The following ERCC6L2 variants were observed in gnomAD, a reference collection of about 807,000 sequenced individuals.
The protein encoded by ERCC6L2 is DNA excision repair protein ERCC-6-like 2.
A neutral mutation model predicts 132.0 loss-of-function variants in ERCC6L2; 77 were observed. The ratio of observed to expected loss-of-function variants is 0.58; its 90% CI spans 0.49 to 0.71. The LOEUF (loss-of-function observed/expected upper bound fraction) is 0.71. Ranked by LOEUF, ERCC6L2 falls within the 30% of genes least tolerant of loss-of-function variation. The pLI, the probability that ERCC6L2 is intolerant of heterozygous loss-of-function variation, is 0.00. For synonymous variants in ERCC6L2, 583 were observed against 632.4 expected, an observed-to-expected ratio of 0.92 and a Z score of 1.17; for missense variants, 1,542 against 1,837.6, an observed-to-expected ratio of 0.84 and a Z score of 2.94.
chr9:95,962,762 C>T lies in ERCC6L2; in HGVS notation c.1948-3800C>T, dbSNP rs78497213. Among the ~76,000 whole-genome samples, 1,056 of 152,248 alleles carry T rather than the reference C, an allele frequency of 6.9e-3. 9 individuals carry two copies. Among genetic ancestry groups the T allele is most frequent in the African/African-American group, 0.024 (990 of 41,540 alleles). On this transcript the variant is annotated intron_variant, in intron 13 of 18. Coordinates refer to ENST00000653738, the MANE Select transcript of ERCC6L2 (RefSeq NM_020207.7). ...TGTATGAAGTATGTTCCTCTACTTA[C>T]GATGGGGCCACATCCAGATAAGCCT...
intron 13 of ERCC6L2, among the ~76,000 whole-genome samples, chr9:95,957,999 GTA>G (rs1564262082): frequency 6.6e-6 from 1 of 150,406 alleles, no homozygotes; most frequent in African/African-American, 2.4e-5. Flanking sequence ...TTAACATTAG[GTA>G]TATCTCCTAA....
intron 17 of ERCC6L2, among the ~76,000 whole-genome samples, chr9:96,003,812 A>G (rs1833771349): frequency 6.6e-6 from 1 of 152,146 alleles, no homozygotes; most frequent in Admixed American, 6.5e-5. Flanking sequence ...GTTAAATTGT[A>G]TTTAGTATTT....
chr9:95,904,319 C>A (rs1435584677), intron 3 of ERCC6L2, among the ~76,000 whole-genome samples: 2 of 152,026 alleles, frequency 1.3e-5, no homozygotes, highest in Admixed American at 1.3e-4. Context: ...TATTATTATT[C>A]CGAACTTAGC....
chr9:95,958,933 G>A (rs1023790311), intron 13 of ERCC6L2, among the ~76,000 whole-genome samples: 1 of 151,172 alleles, frequency 6.6e-6, no homozygotes, highest in Non-Finnish European at 1.5e-5. Flanking sequence ...AATCAATATC[G>A]TGAAAATGGC....
downstream of ERCC6L2, chr9:96,020,154 C>T (rs1834259629): frequency 6.5e-6 from 1 of 154,482 alleles, no homozygotes; most frequent in African/African-American, 2.4e-5. Context: ...TGCACTCCAG[C>T]CTGAGTGACA....
chr9:95,984,284 A>G (rs756317459), intron 17 of ERCC6L2, among the ~76,000 whole-genome samples: 35 of 149,254 alleles, frequency 2.3e-4, no homozygotes, highest in Non-Finnish European at 4.2e-4. Flanking sequence ...TATATGATAT[A>G]CATGTTATAT....
intron 2 of ERCC6L2, among the ~76,000 whole-genome samples, chr9:95,882,552 T>A (rs917577188): frequency 3.3e-5 from 5 of 152,200 alleles, no homozygotes; most frequent in Non-Finnish European, 5.9e-5. Context: ...CTTATTTTCT[T>A]CTTCATATTA....
chr9:95,986,957 T>C (rs1833120106), intron 17 of ERCC6L2, among the ~76,000 whole-genome samples: 1 of 152,154 alleles, frequency 6.6e-6, no homozygotes, highest in South Asian at 2.1e-4. Context: ...AGTCATACCT[T>C]ACATGGCAGC....
Position 96,016,467 on chromosome 9 carries a change from G to GA in ERCC6L2, c.*3265dup, listed in dbSNP as rs1834187676. On this transcript the variant is annotated 3_prime_UTR_variant, in exon 19 of 19. Transcript: ENST00000653738. Reference sequence around the variant, plus strand: ...CACACAGCTATTAATATTGGAAACTGAGGCAAGATACCAAGAGATTTTTGC... The same window carrying GA: ...CACACAGCTATTAATATTGGAAACTGAAGGCAAGATACCAAGAGATTTTTGC... Among the ~76,000 whole-genome samples the GA allele has an allele frequency of 6.6e-6, 1 of 152,188 alleles. No homozygotes were observed. Among genetic ancestry groups the GA allele is most frequent in the African/African-American group, 2.4e-5 (1 of 41,456 alleles).
chr9:95,977,055 AAAT>A (rs1832701598), intron 16 of ERCC6L2, among the ~76,000 whole-genome samples: 1 of 150,648 alleles, frequency 6.6e-6, no homozygotes, highest in Non-Finnish European at 1.5e-5. Context: ...AAACTTTTTT[AAAT>A]AATCAACTCA....
chr9:95,998,097 C>CT (rs749061761), intron 17 of ERCC6L2, among the ~76,000 whole-genome samples: 1 of 152,072 alleles, frequency 6.6e-6, no homozygotes, highest in Non-Finnish European at 1.5e-5. Flanking sequence ...CCATATACAC[C>CT]TTTTCTGGCC....
chr9:96,020,669 T>C (rs1434288210), downstream of ERCC6L2: 1 of 413,950 alleles, frequency 2.4e-6, no homozygotes, highest in Non-Finnish European at 4.9e-6. Flanking sequence ...TGGAATGCCC[T>C]CCCAATGGCG....
intron 17 of ERCC6L2, among the ~76,000 whole-genome samples, chr9:95,982,869 A>G (rs1437353656): frequency 6.6e-6 from 1 of 152,144 alleles, no homozygotes; most frequent in Non-Finnish European, 1.5e-5. Flanking sequence ...AGGAGAATCC[A>G]GTTTTTAAAC....
Position 96,014,443 on chromosome 9 carries a change from G to T in ERCC6L2, c.*1240G>T, listed in dbSNP as rs140022504. 1 of 152,180 alleles carries T rather than the reference G, an allele frequency of 6.6e-6. No homozygotes were observed. The highest frequency in any genetic ancestry group is 2.4e-5 in the African/African-American group (1 of 41,436). The allele number at this position is 152,180 out of a possible 1,614,324, so 9.4% of individuals were successfully genotyped here. On this transcript the variant is annotated 3_prime_UTR_variant, in exon 19 of 19. Coordinates refer to ENST00000653738, the MANE Select transcript of ERCC6L2 (RefSeq NM_020207.7). ...CAAAAGTCTTCTCAAGGGACTGATC[G>T]GCCAAGTATGCTTTTCTTTAGAGCA... is the stretch of plus-strand genomic sequence containing the variant.
intron 16 of ERCC6L2, among the ~76,000 whole-genome samples, chr9:95,977,209 G>T (rs965754990): frequency 6.6e-6 from 1 of 152,172 alleles, no homozygotes; most frequent in South Asian, 2.1e-4. Context: ...TTGAAACTGT[G>T]TGCCATGTAT....
chr9:95,943,796 T>C (rs1168509470), intron 12 of ERCC6L2, among the ~76,000 whole-genome samples: 1 of 152,120 alleles, frequency 6.6e-6, no homozygotes, highest in African/African-American at 2.4e-5. Flanking sequence ...ATCGGAACTA[T>C]AGTGAGGTAC....
At chr9:95,984,314 A>C (rs944960465) in intron 17 of ERCC6L2, among the ~76,000 whole-genome samples, 2 of 149,692 alleles carry the variant, frequency 1.3e-5, no homozygotes, top group African/African-American at 4.9e-5. Flanking sequence ...GTATAAATAT[A>C]TATTATATGT....
chr9:95,970,706 G>A (rs572349044), intron 15 of ERCC6L2, 50 bp downstream of exon 15: 1 of 1,178,570 alleles, frequency 8.5e-7, no homozygotes, highest in East Asian at 6.7e-5. Context: ...AACATGTACT[G>A]TGACAATTTT....
chr9:96,033,969 C>G (rs1037288475), intron 19 of ERCC6L2, among the ~76,000 whole-genome samples: 7 of 152,232 alleles, frequency 4.6e-5, no homozygotes, highest in Non-Finnish European at 1.0e-4. Flanking sequence ...GTTGTCTGCA[C>G]CAGGATTTAT....
Sources: allele counts gnomAD v4.1 joint callset (sites outside exome capture counted in the v4.1 genomes callset), GRCh38; gene constraint gnomAD v4.1.1; transcripts MANE v1.5; gene names NCBI Gene and HGNC (gene_info 2026-07-23, HGNC 2026-07-21).